PCDHGA5: variants seen among roughly 807,000 people sequenced by gnomAD.
The protein encoded by PCDHGA5 is protocadherin gamma subfamily A, 5.
PCDHGA5 carries 36 observed loss-of-function variants against 56.7 expected under a neutral mutation model. The ratio of observed to expected loss-of-function variants is 0.64; its 90% confidence interval spans 0.49 to 0.84. The LOEUF is 0.84. PCDHGA5 is among the 40% of genes least tolerant of loss of function. The pLI is 0.00. For synonymous variants in PCDHGA5, 563 were observed against 520.2 expected (o/e 1.08, Z -1.12); for missense variants, 1,305 against 1,201.5 (o/e 1.09, Z -1.27).
At chr5:141,502,499 C>A (rs552402476) in intron 2 of PCDHGA5, among the ~76,000 whole-genome samples, 12 of 152,122 alleles carry the variant, frequency 7.9e-5, no homozygotes, top group Non-Finnish European at 2.9e-5. Flanking sequence ...CATCTAACGT[C>A]GGCCTGTCCC....
intron 1 of PCDHGA5, chr5:141,428,334 C>T: frequency 1.6e-6 from 1 of 618,848 alleles, no homozygotes; most frequent in Non-Finnish European, 2.9e-6. Flanking sequence ...TTTCTATGCT[C>T]TTCTTCCTCG....
At chr5:141,409,163 G>A in intron 1 of PCDHGA5, 1 of 1,614,026 alleles carries the variant, frequency 6.2e-7, no homozygotes. Context: ...GGAAGTGGAA[G>A]CGAAGGACGG....
intron 1 of PCDHGA5, among the ~76,000 whole-genome samples, chr5:141,434,285 T>G (rs1358981946): frequency 6.6e-6 from 1 of 152,232 alleles, no homozygotes; most frequent in Non-Finnish European, 1.5e-5. Context: ...GTATTCTCTG[T>G]TTTTCCTGTA....
intron 1 of PCDHGA5, chr5:141,423,860 G>A: frequency 7.8e-7 from 1 of 1,283,074 alleles, no homozygotes; most frequent in Non-Finnish European, 9.9e-7. Context: ...ACGTTTTTGT[G>A]AAAGTCATTT....
intron 1 of PCDHGA5, among the ~76,000 whole-genome samples, chr5:141,492,530 C>A (rs1595123138): frequency 1.3e-5 from 2 of 152,246 alleles, no homozygotes; most frequent in South Asian, 2.1e-4. Flanking sequence ...CCCACCTGCG[C>A]CCCGGGCTGG....
intron 1 of PCDHGA5, chr5:141,383,475 G>T: frequency 6.2e-7 from 1 of 1,613,594 alleles, no homozygotes; most frequent in Non-Finnish European, 8.5e-7. Flanking sequence ...CTAAGTACCC[G>T]GAACTGGTGC....
chr5:141,375,956 G>C, intron 1 of PCDHGA5: 1 of 1,613,506 alleles, frequency 6.2e-7, no homozygotes, highest in Non-Finnish European at 8.5e-7. Context: ...GCACACGGGC[G>C]AGGTGCGCAC....
At chr5:141,481,943 G>C (rs1454871018) in intron 1 of PCDHGA5, among the ~76,000 whole-genome samples, 1 of 148,544 alleles carries the variant, frequency 6.7e-6, no homozygotes, top group South Asian at 2.1e-4. Context: ...AAATCAGCCA[G>C]ATGTGGTGGC....
intron 1 of PCDHGA5, chr5:141,394,551 C>T: frequency 6.2e-7 from 1 of 1,614,138 alleles, no homozygotes; most frequent in Non-Finnish European, 8.5e-7. Context: ...GCTGGCGCCC[C>T]GCTCCGCAGA....
intron 1 of PCDHGA5, chr5:141,408,334 C>T (rs2095086638): frequency 1.2e-6 from 2 of 1,613,910 alleles, no homozygotes; most frequent in East Asian, 2.2e-5. Context: ...TGGCCAAGGG[C>T]TCGGTGGTGG....
intron 2 of PCDHGA5, among the ~76,000 whole-genome samples, chr5:141,500,138 ACTTTT>A: frequency 6.6e-6 from 1 of 150,560 alleles, no homozygotes; most frequent in Middle Eastern, 3.2e-3. Flanking sequence ...ATCTTTCTAA[ACTTTT>A]CTTTGTGTAA....
rs746159671 is a variant in PCDHGA5, at chr5:141,399,684, G to A, written c.2421+32933G>A. The A allele has an allele frequency of 2.4e-5, 38 of 1,613,538 alleles. 1 individual carries two copies. In the South Asian group the frequency reaches 4.2e-4, roughly 18 times the overall value. On this transcript the variant is annotated intron_variant, in intron 1 of 3. Transcript: ENST00000518069. ...TCGCGCAGCGCGCCTTTGACTACGAGCAGCTGCGCACCTTCGAACTCACAC... is the reference window on the plus strand; with the variant it reads ...TCGCGCAGCGCGCCTTTGACTACGAACAGCTGCGCACCTTCGAACTCACAC...
At chr5:141,440,982 A>G (rs940098060) in intron 1 of PCDHGA5, 4 of 152,234 alleles carry the variant, frequency 2.6e-5, no homozygotes, top group Non-Finnish European at 5.9e-5. Context: ...TTCACAACCC[A>G]GAGTACCCAT....
intron 1 of PCDHGA5, chr5:141,410,195 G>A (rs769655902): frequency 1.1e-5 from 18 of 1,613,966 alleles, no homozygotes; most frequent in Non-Finnish European, 1.0e-5. Context: ...TCTGGTCTTC[G>A]CAGACAACTT....
intron 1 of PCDHGA5, chr5:141,395,467 C>T (rs2093236177): frequency 1.8e-6 from 1 of 566,628 alleles, no homozygotes; most frequent in Non-Finnish European, 3.0e-6. Context: ...TTTAAGCCTT[C>T]CAGTATTTTA....
At chr5:141,503,916 C>T (rs1372491893) in intron 2 of PCDHGA5, among the ~76,000 whole-genome samples, 1 of 152,246 alleles carries the variant, frequency 6.6e-6, no homozygotes, top group African/African-American at 2.4e-5. Context: ...CAACGCAACA[C>T]ACACACAGAC....
chr5:141,370,898 GC>G (rs752324204), intron 1 of PCDHGA5: 10 of 1,614,062 alleles, frequency 6.2e-6, no homozygotes, highest in Non-Finnish European at 8.5e-6. Context: ...ATTCGCTGCA[GC>G]AGTACTACCT....
intron 1 of PCDHGA5, among the ~76,000 whole-genome samples, chr5:141,445,834 T>G (rs1310067225): frequency 6.6e-6 from 1 of 152,218 alleles, no homozygotes; most frequent in Middle Eastern, 3.2e-3. Context: ...GGGAGAGCCT[T>G]GTAAATCACA....
intron 1 of PCDHGA5, chr5:141,371,512 A>ATCTCTAGATC: frequency 6.2e-7 from 1 of 1,613,868 alleles, no homozygotes; most frequent in Non-Finnish European, 8.5e-7. Flanking sequence ...AAAACACATG[A>ATCTCTAGATC]TCTAGATTCT....
Sources: gnomAD v4.1 joint callset for allele counts (sites outside exome capture counted in the v4.1 genomes callset) on GRCh38, gnomAD v4.1.1 for gene constraint, MANE v1.5 for transcripts, NCBI Gene and HGNC (gene_info 2026-07-23, HGNC 2026-07-21) for gene names.